B3GLCT: variants seen among roughly 807,000 people sequenced by gnomAD.
The protein encoded by B3GLCT is beta-1,3-glucosyltransferase.
In B3GLCT, 65 loss-of-function variants were observed where a neutral mutation model predicts 63.4. That is an observed-to-expected ratio of 1.03 (90% CI 0.84 to 1.26). B3GLCT has a LOEUF of 1.26. Among genes scored for constraint, B3GLCT ranks in the 50% most tolerant of loss-of-function variants. The pLI, the probability that B3GLCT is intolerant of heterozygous loss-of-function variation, is 0.00. For missense variants in B3GLCT, 577 were observed against 604.8 expected, an observed-to-expected ratio of 0.95 and a Z score of 0.48; for synonymous variants, 233 against 219.2, an observed-to-expected ratio of 1.06 and a Z score of -0.55.
chr13:31,217,400 G>C (rs1275575718), intron 2 of B3GLCT, among the ~76,000 whole-genome samples: 1 of 152,090 alleles, frequency 6.6e-6, no homozygotes, highest in Non-Finnish European at 1.5e-5. Flanking sequence ...TAGGTTATCT[G>C]TTTACTCTGT....
At chr13:31,200,233 G>A in intron 1 of B3GLCT, 79 bp downstream of exon 1, 1 of 952,640 alleles carries the variant, frequency 1.0e-6, no homozygotes, top group Non-Finnish European at 1.3e-6. Context: ...GGTCGGCGCG[G>A]GGAGGGAGGC....
intron 12 of B3GLCT, among the ~76,000 whole-genome samples, chr13:31,297,036 T>TG (rs1491441052): frequency 1.3e-5 from 2 of 152,104 alleles, no homozygotes; most frequent in Admixed American, 1.3e-4. Flanking sequence ...TTTTTTTTTT[T>TG]TGTGACTTGC....
At chr13:31,249,937 TTTTG>T in intron 6 of B3GLCT, among the ~76,000 whole-genome samples, 1 of 152,304 alleles carries the variant, frequency 6.6e-6, no homozygotes, top group East Asian at 1.9e-4. Context: ...GTATAAGGTA[TTTTG>T]TTTGATTCTG....
chr13:31,306,507 A>G (rs1245975902), intron 12 of B3GLCT, among the ~76,000 whole-genome samples: 18 of 108,922 alleles, frequency 1.7e-4, no homozygotes, highest in African/African-American at 5.8e-4. Flanking sequence ...TCAATGTACA[A>G]AAATCACAAG....
chr13:31,215,051 CT>C lies in B3GLCT; in HGVS notation c.75del (p.Phe25LeufsTer29). On this transcript the variant is annotated frameshift_variant and splice_region_variant, in exon 2 of 15. Transcript: ENST00000343307. LOFTEE classifies it high-confidence loss of function. Reference sequence around the variant, plus strand: ...ATATTTCTTTTTTTTTTTTTTCCAGCTTTTGGTTTGGCTTCTGAAGATACAA... The same window carrying C: ...ATATTTCTTTTTTTTTTTTTTCCAGCTTTGGTTTGGCTTCTGAAGATACAA... Reference protein sequence around the residue: ...ALLALLTCSLAFGLASEDTKK... With the variant: ...ALLALLTCSLXFGLASEDTKK... 6.3e-7 allele frequency: 1 copy of C among 1,578,808 alleles called. No individual in the cohort carries two copies.
At chr13:31,295,007 C>CT (rs34785097) in intron 12 of B3GLCT, among the ~76,000 whole-genome samples, 105,795 of 150,102 alleles carry the variant, frequency 0.7, 38,044 homozygotes, top group Middle Eastern at 0.79. Context: ...TGTGGACGTC[C>CT]TTTTTTTTTG....
chr13:31,244,472 AC>A (rs1871105040), intron 4 of B3GLCT, among the ~76,000 whole-genome samples: 1 of 152,214 alleles, frequency 6.6e-6, no homozygotes, highest in Non-Finnish European at 1.5e-5. Flanking sequence ...AGCCTGGGTG[AC>A]AAGAGCGAAA....
intron 6 of B3GLCT, among the ~76,000 whole-genome samples, chr13:31,253,618 A>AAAACAAAC (rs1555249041): frequency 0.14 from 11,174 of 82,114 alleles, 2,536 homozygotes; most frequent in East Asian, 0.54. Context: ...AAAAAAAAAA[A>AAAACAAAC]AAACTAGAGA....
At chr13:31,245,908 A>G (rs1056474777) in intron 4 of B3GLCT, among the ~76,000 whole-genome samples, 1 of 152,296 alleles carries the variant, frequency 6.6e-6, no homozygotes, top group Non-Finnish European at 1.5e-5. Context: ...CTAACATACC[A>G]CATTGTTTGT....
At chr13:31,248,139 A>G (rs969386237) in intron 6 of B3GLCT, among the ~76,000 whole-genome samples, 173 bp downstream of exon 6, 2 of 152,250 alleles carry the variant, frequency 1.3e-5, no homozygotes, top group Admixed American at 1.3e-4. Context: ...TGAAGTTTGT[A>G]GCTTATAGAG....
intron 4 of B3GLCT, among the ~76,000 whole-genome samples, chr13:31,240,377 C>T (rs1402334774): frequency 6.6e-5 from 10 of 151,896 alleles, no homozygotes; most frequent in Admixed American, 1.3e-4. Flanking sequence ...GGCATAATCT[C>T]AACTTTACAA....
chr13:31,318,463 C>T (rs910120279), intron 13 of B3GLCT, among the ~76,000 whole-genome samples: 2 of 152,170 alleles, frequency 1.3e-5, no homozygotes, highest in African/African-American at 4.8e-5. Context: ...TCTCAACAGT[C>T]GTACTACAGG....
chr13:31,206,443 A>G (rs907778005), intron 1 of B3GLCT, among the ~76,000 whole-genome samples: 1 of 152,100 alleles, frequency 6.6e-6, no homozygotes, highest in African/African-American at 2.4e-5. Context: ...CATCTGTGGA[A>G]TATAAAGATG....
chr13:31,220,783 G>A (rs927677941), intron 2 of B3GLCT, among the ~76,000 whole-genome samples: 2 of 152,208 alleles, frequency 1.3e-5, no homozygotes, highest in African/African-American at 2.4e-5. Flanking sequence ...AGAGAAAGAT[G>A]TATCATTTTT....
intron 1 of B3GLCT, among the ~76,000 whole-genome samples, chr13:31,213,608 ACCCCCCCACCCCAC>A (rs1429832301): frequency 3.9e-5 from 2 of 51,296 alleles, no homozygotes; most frequent in East Asian, 2.7e-3. Context: ...ACAAAACAAC[ACCCCCCCACCCCAC>A]CCCCCCCCCC....
At chr13:31,266,984 T>C (rs528294548) in intron 7 of B3GLCT, among the ~76,000 whole-genome samples, 22 of 152,244 alleles carry the variant, frequency 1.4e-4, no homozygotes, top group African/African-American at 4.1e-4. Flanking sequence ...TTGGCCAGGC[T>C]GGTCTTGAAC....
chr13:31,239,075 CAGA>C (rs1359930902), intron 4 of B3GLCT, among the ~76,000 whole-genome samples: 1 of 152,122 alleles, frequency 6.6e-6, no homozygotes, highest in African/African-American at 2.4e-5. Flanking sequence ...CATGAATTGC[CAGA>C]AGGTCTGCTT....
intron 4 of B3GLCT, among the ~76,000 whole-genome samples, chr13:31,239,702 T>A (rs1262805753): frequency 6.6e-6 from 1 of 150,396 alleles, no homozygotes; most frequent in African/African-American, 2.5e-5. Context: ...TTTTTTTTCC[T>A]TCTAGAACCT....
chr13:31,251,011 G>C (rs1342143060), intron 6 of B3GLCT, among the ~76,000 whole-genome samples: 1 of 152,130 alleles, frequency 6.6e-6, no homozygotes, highest in Non-Finnish European at 1.5e-5. Context: ...AGCTTCCAGA[G>C]GAAGGAACAG....
Sources: gnomAD v4.1 joint callset for allele counts (sites outside exome capture counted in the v4.1 genomes callset) on GRCh38, gnomAD v4.1.1 for gene constraint, MANE v1.5 for transcripts, NCBI Gene and HGNC (gene_info 2026-07-23, HGNC 2026-07-21) for gene names.